SRRM1: variants seen among roughly 807,000 people sequenced by gnomAD.
The protein encoded by SRRM1 is serine/arginine repetitive matrix protein 1.
Under a neutral mutation model 110.2 loss-of-function variants are expected in SRRM1, and 19 were observed. The ratio of observed to expected loss-of-function variants is 0.17; its 90% confidence interval spans 0.12 to 0.25. The LOEUF is 0.25. Among genes scored for constraint, SRRM1 ranks in the 10% least tolerant of loss-of-function variants. The pLI is 1.00. For missense variants in SRRM1, 918 were observed against 1,145.8 expected, an observed-to-expected ratio of 0.80 and a Z score of 2.87; for synonymous variants, 443 against 414.9, an observed-to-expected ratio of 1.07 and a Z score of -0.82.
chr1:24,660,598 A>G (rs569787952), intron 9 of SRRM1, 121 bp from the exon 10 acceptor site: 2 of 436,430 alleles, frequency 4.6e-6, no homozygotes, highest in Non-Finnish European at 8.1e-6. Context: ...TAGCCTGACT[A>G]ATATAGTGAG....
At chr1:24,654,244 G>A in intron 8 of SRRM1, 1 of 1,236,966 alleles carries the variant, frequency 8.1e-7, no homozygotes, top group East Asian at 5.6e-5. Context: ...TTTACAGATT[G>A]TTTAAGATTC....
intron 9 of SRRM1, among the ~76,000 whole-genome samples, chr1:24,660,293 C>G (rs1383610535): frequency 6.6e-6 from 1 of 152,130 alleles, no homozygotes; most frequent in Non-Finnish European, 1.5e-5. Flanking sequence ...CTCCCAATTT[C>G]CTTTAACTGT....
rs576346586 is a variant in SRRM1, at chr1:24,649,756, A to G, written c.406-215A>G. 3.3e-5 allele frequency among the ~76,000 whole-genome samples: 5 copies of G among 152,276 alleles called. No homozygotes were observed. In the South Asian group the frequency reaches 1.0e-3, roughly 32 times the overall value. ...AACATCTCTTTAGTTCAGGTCTTAG[A>G]GATTAACTTTCAGTGAATATTTATT... is the stretch of plus-strand genomic sequence containing the variant. On this transcript the variant is annotated intron_variant, in intron 4 of 16. Transcript: ENST00000323848.
At chr1:24,672,106 A>C (rs1571177705) in intron 16 of SRRM1, 76 bp from the exon 17 acceptor site, 14 of 1,151,812 alleles carry the variant, frequency 1.2e-5, no homozygotes, top group Non-Finnish European at 1.8e-5. Context: ...CCCCTCCCAC[A>C]CTTTGATTCT....
At position 24,650,024 on chromosome 1, in the gene SRRM1, A is replaced by G. The variant is rs774978527; in HGVS notation, c.459A>G (p.Lys153=). 6.3e-7 allele frequency: 1 copy of G among 1,599,698 alleles called. No homozygotes were observed. The highest frequency in any genetic ancestry group is 8.5e-7 in the Non-Finnish European group (1 of 1,173,084). The change falls in exon 5 of 17, where the codon AAA becomes AAG. Residue 153 remains lysine (K), a synonymous_variant. Coordinates refer to ENST00000323848, the MANE Select transcript of SRRM1 (RefSeq NM_005839.4). Reference sequence around the variant, plus strand: ...AAAAGCAAGATGAAGACAAAGATAAAAGAGATAAGGAAGAAAAAGAAAGCA... The same window carrying G: ...AAAAGCAAGATGAAGACAAAGATAAGAGAGATAAGGAAGAAAAAGAAAGCA... ...SMKKQDEDKD[K]RDKEEKESSR...
chr1:24,671,585 A>G lies in SRRM1; in HGVS notation c.2600A>G (p.Glu867Gly), dbSNP rs1299144677. ...LAQEEPVAAPEPKKETESEAE... is the reference protein window; with the variant it reads ...LAQEEPVAAPGPKKETESEAE... ...CAGGAAGAGCCAGTGGCAGCGCCAG[A>G]GCCGAAGAAGGTATTTATGAACTCT... Residue 867 changes from glutamate to glycine, a missense_variant, in exon 16 of 17, where the codon GAG becomes GGG. By Grantham distance (98) the Glu-to-Gly change is moderately conservative (BLOSUM62 -2). Transcript: ENST00000323848. The G allele has an allele frequency of 1.9e-6, 3 of 1,590,218 alleles. No individual in the cohort carries two copies. The highest frequency in any genetic ancestry group is 2.6e-6 in the Non-Finnish European group (3 of 1,172,922).
intron 9 of SRRM1, among the ~76,000 whole-genome samples, chr1:24,658,970 G>A (rs1665740007): frequency 6.6e-6 from 1 of 152,098 alleles, no homozygotes; most frequent in African/African-American, 2.4e-5. Context: ...GAGGTGGGTG[G>A]ATCACCCGAG....
chr1:24,663,925 G>T (rs1018482482), intron 12 of SRRM1, among the ~76,000 whole-genome samples: 1 of 145,626 alleles, frequency 6.9e-6, no homozygotes, highest in Non-Finnish European at 1.5e-5. Flanking sequence ...AAATAAAAGC[G>T]AATGGAAGGC....
Position 24,662,733 on chromosome 1 carries a change from G to A in SRRM1, c.1557G>A (p.Arg519=). 6.2e-7 allele frequency: 1 copy of A among 1,614,154 alleles called. No individual in the cohort carries two copies. Among genetic ancestry groups the A allele is most frequent in the Non-Finnish European group, 8.5e-7 (1 of 1,180,022 alleles). Residue 519 remains arginine, a synonymous_variant, in exon 12 of 17, where the codon AGG becomes AGA. Coordinates refer to ENST00000323848, the MANE Select transcript of SRRM1 (RefSeq NM_005839.4). ...ATGTGAAGAATGGTGAGGTTGGCAG[G>A]CGGCGGAGACATTCCCCTTCCCGGA... ...RSHVKNGEVG[R]RRRHSPSRSA... is the part of the protein sequence containing the mutation.
At chr1:24,643,415 A>C (rs1654878641) in intron 1 of SRRM1, 68 bp downstream of exon 1, 1 of 1,414,144 alleles carries the variant, frequency 7.1e-7, no homozygotes, top group South Asian at 1.4e-5. Flanking sequence ...AGGAGACCTT[A>C]GCTTGGCACA....
rs1671679845 is a variant in SRRM1, at chr1:24,669,519, G to A, written c.2136G>A (p.Gln712=). The change falls in exon 14 of 17, where the codon CAG becomes CAA. Residue 712 remains glutamine, a synonymous_variant. Transcript: ENST00000323848. ...RGASSSPQRR[Q]SPSPSTRPIR... ...CGTCGTCATCACCCCAAAGAAGGCA[G>A]TCCCCGTCTCCAAGTACTAGGCCCA... 1.2e-6 allele frequency: 2 copies of A among 1,609,956 alleles called. No individual in the cohort carries two copies. Among genetic ancestry groups the A allele is most frequent in the Admixed American group, 1.7e-5 (1 of 59,310 alleles).
rs138138056 is a variant in SRRM1, at chr1:24,670,191, C to T, written c.2276C>T (p.Pro759Leu). Residue 759 changes from proline (P) to leucine (L), a missense_variant, in exon 15 of 17, where the codon CCA becomes CTA. Physicochemically the swap from Pro to Leu is moderately conservative, Grantham distance 98. Transcript: ENST00000323848. ...CGATCTGTCTCCGGGTCTCCTGAGC[C>T]AGCAGCTAAAAAGCCCCCAGCACCT... ...SSRSVSGSPE[P>L]AAKKPPAPPS... The T allele has an allele frequency of 1.9e-6, 3 of 1,613,950 alleles. No individual in the cohort carries two copies. The highest frequency in any genetic ancestry group is 4.5e-5 in the East Asian group (2 of 44,876).
chr1:24,656,840 A>G (rs1416250425), intron 9 of SRRM1, among the ~76,000 whole-genome samples: 1 of 152,254 alleles, frequency 6.6e-6, no homozygotes, highest in Non-Finnish European at 1.5e-5. Flanking sequence ...TTTAAAAAGC[A>G]TCTGCACAGA....
intron 9 of SRRM1, among the ~76,000 whole-genome samples, chr1:24,659,000 C>T (rs949028253): frequency 5.9e-5 from 9 of 152,180 alleles, no homozygotes; most frequent in Middle Eastern, 3.4e-3. Flanking sequence ...TCAAGACCCG[C>T]GTGACCAACA....
At position 24,666,905 on chromosome 1, in the gene SRRM1, C is replaced by T. The variant is rs1276481318; in HGVS notation, c.1719C>T (p.Pro573=). 1 of 1,608,668 alleles carries T rather than the reference C, an allele frequency of 6.2e-7. No individual in the cohort carries two copies. Among genetic ancestry groups the T allele is most frequent in the Non-Finnish European group, 8.5e-7 (1 of 1,178,342 alleles). ...PAPPPRRRRT[P]TPPPRRRTPS... ...CTCCTCCTCGACGGCGCAGGACTCC[C>T]ACACCACCACCACGACGAAGGTACT... Residue 573 remains proline, a synonymous_variant, in exon 13 of 17, where the codon CCC becomes CCT. Coordinates refer to ENST00000323848, the MANE Select transcript of SRRM1 (RefSeq NM_005839.4).
rs1185637986 is a variant in SRRM1 at position 24,671,367 on chromosome 1, TG to T, written c.2401-18del. 3 of 1,562,904 alleles carry T rather than the reference TG, an allele frequency of 1.9e-6. No homozygotes were observed. The African/African-American group carries it at 4.1e-5, about 22-fold the overall frequency. On this transcript the variant is annotated intron_variant, in intron 15 of 16. Transcript: ENST00000323848. ...CAGATTGATTATAAATGCTGGGTGT[TG>T]TTTTTTTTTCTTCCTAGAATTCAGA...
chr1:24,661,946 C>T (rs1667459629), intron 11 of SRRM1, among the ~76,000 whole-genome samples: 1 of 152,020 alleles, frequency 6.6e-6, no homozygotes, highest in South Asian at 2.1e-4. Context: ...ATTAACCGGG[C>T]ATAGTGGCGC....
intron 6 of SRRM1, among the ~76,000 whole-genome samples, chr1:24,651,835 T>C (rs1045359480): frequency 6.6e-6 from 1 of 151,542 alleles, no homozygotes; most frequent in Admixed American, 6.6e-5. Context: ...AGGTATTTTA[T>C]ATATTGTAAC....
At chr1:24,659,286 G>A (rs1204469981) in intron 9 of SRRM1, among the ~76,000 whole-genome samples, 1 of 152,084 alleles carries the variant, frequency 6.6e-6, no homozygotes, top group Non-Finnish European at 1.5e-5. Flanking sequence ...GCAAAGATGC[G>A]ATTACTGTGT....
Sources: gnomAD v4.1 joint callset for allele counts (sites outside exome capture counted in the v4.1 genomes callset) on GRCh38, gnomAD v4.1.1 for gene constraint, MANE v1.5 for transcripts, NCBI Gene and HGNC (gene_info 2026-07-23, HGNC 2026-07-21) for gene names.